The following XYLT1 variants were observed in gnomAD, a reference collection of about 807,000 sequenced individuals.
XYLT1 encodes the protein xylosyltransferase 1.
Under a neutral mutation model 91.3 loss-of-function variants are expected in XYLT1, and 36 were observed. That is an observed-to-expected ratio of 0.39 (90% CI 0.30 to 0.52). The LOEUF (loss-of-function observed/expected upper bound fraction) is 0.52, where lower values mean the gene tolerates loss of function less well. XYLT1 is among the 20% of genes least tolerant of loss of function. The pLI, the probability that XYLT1 is intolerant of heterozygous loss-of-function variation, is 0.68. For missense variants in XYLT1, 1,242 were observed against 1,284.5 expected (o/e 0.97, Z 0.51); for synonymous variants, 588 against 532.0 (o/e 1.11, Z -1.45).
chr16:17,448,704 AGGG>A (rs2036625346), intron 1 of XYLT1, among the ~76,000 whole-genome samples: 2 of 81,726 alleles, frequency 2.4e-5, no homozygotes, highest in Non-Finnish European at 5.2e-5. Flanking sequence ...GAGGAGGAAG[AGGG>A]GGGAGGAGGA....
intron 2 of XYLT1, among the ~76,000 whole-genome samples, chr16:17,280,308 C>T (rs2034038450): frequency 6.6e-6 from 1 of 152,168 alleles, no homozygotes; most frequent in South Asian, 2.1e-4. Context: ...CAAGATCGTG[C>T]CACTGCACTC....
chr16:17,354,767 T>G (rs1343714284), intron 2 of XYLT1: 2 of 152,196 alleles, frequency 1.3e-5, no homozygotes, highest in African/African-American at 4.8e-5. Context: ...TGGGTAACAT[T>G]TGAGGCACTA....
intron 11 of XYLT1, among the ~76,000 whole-genome samples, chr16:17,110,243 A>G (rs531155373): frequency 5.3e-5 from 8 of 152,354 alleles, no homozygotes; most frequent in Non-Finnish European, 8.8e-5. Flanking sequence ...GACACCTGGC[A>G]TATACTAAGT....
At chr16:17,337,775 C>CTTTTCTT (rs2035003990) in intron 2 of XYLT1, among the ~76,000 whole-genome samples, 2 of 114,216 alleles carry the variant, frequency 1.8e-5, no homozygotes, top group Non-Finnish European at 3.3e-5. Flanking sequence ...CACATTTTTT[C>CTTTTCTT]TTTTTCTTTT....
chr16:17,453,751 A>C (rs932168749), intron 1 of XYLT1, among the ~76,000 whole-genome samples: 4 of 152,236 alleles, frequency 2.6e-5, no homozygotes, highest in Non-Finnish European at 4.4e-5. Flanking sequence ...CCAGAAAGCC[A>C]GAGATAAACA....
intron 5 of XYLT1, among the ~76,000 whole-genome samples, chr16:17,166,621 C>T (rs535825529): frequency 1.2e-4 from 18 of 152,146 alleles, no homozygotes; most frequent in African/African-American, 3.9e-4. Context: ...GAGAGATTCT[C>T]CTGCTTCAGC....
rs1011403525 is a variant in XYLT1, at chr16:17,104,032, C to A, written c.*4663G>T. 6.5e-6 allele frequency: 1 copy of A among 152,752 alleles called. No individual in the cohort carries two copies. The highest frequency in any genetic ancestry group is 1.5e-5 in the Non-Finnish European group (1 of 68,156). The allele number at this position is 152,752 out of a possible 1,614,324, so 9.5% of individuals were successfully genotyped here. Reference sequence around the variant, plus strand: ...GCAGATTTGGACAACTTTGTTCCCCCCTCCCAGGTAAACTTCTCAGCAGAC... The same window carrying A: ...GCAGATTTGGACAACTTTGTTCCCCACTCCCAGGTAAACTTCTCAGCAGAC... On this transcript the variant is annotated 3_prime_UTR_variant, in exon 12 of 12. Coordinates refer to ENST00000261381, the MANE Select transcript of XYLT1 (RefSeq NM_022166.4).
intron 9 of XYLT1, 71 bp downstream of exon 9, chr16:17,134,401 AC>A (rs968220185): frequency 6.4e-6 from 10 of 1,565,086 alleles, no homozygotes; most frequent in Admixed American, 5.3e-5. Context: ...AGGAAGAAGG[AC>A]CCCCACTCTG....
chr16:17,250,972 C>A (rs1462502657), intron 3 of XYLT1: 1 of 152,242 alleles, frequency 6.6e-6, no homozygotes, highest in Non-Finnish European at 1.5e-5. Context: ...AATGGGGAAA[C>A]TGAGGTATTT....
intron 6 of XYLT1, among the ~76,000 whole-genome samples, chr16:17,154,058 G>A (rs1048862553): frequency 6.6e-6 from 1 of 150,888 alleles, no homozygotes; most frequent in Non-Finnish European, 1.5e-5. Context: ...TTTCTGAAAT[G>A]GGGTAACACC....
intron 2 of XYLT1, among the ~76,000 whole-genome samples, chr16:17,337,584 T>C (rs8044426): frequency 0.13 from 20,517 of 152,032 alleles, 1,590 homozygotes; most frequent in African/African-American, 0.22. Context: ...CTACCTTGGT[T>C]ACCTGGGAAA....
chr16:17,143,124 G>A (rs982227727), intron 6 of XYLT1, among the ~76,000 whole-genome samples: 7 of 152,138 alleles, frequency 4.6e-5, no homozygotes, highest in African/African-American at 1.7e-4. Context: ...AGCTGGTGAC[G>A]TGGGCATGTT....
chr16:17,365,098 C>T (rs1460581110), intron 1 of XYLT1, among the ~76,000 whole-genome samples: 1 of 152,184 alleles, frequency 6.6e-6, no homozygotes, highest in Non-Finnish European at 1.5e-5. Flanking sequence ...TTGGTGTTCA[C>T]GCTCTGCACC....
chr16:17,402,181 A>G (rs2035977764), intron 1 of XYLT1, among the ~76,000 whole-genome samples: 1 of 151,406 alleles, frequency 6.6e-6, no homozygotes, highest in Admixed American at 6.6e-5. Context: ...TTAGCCAGGC[A>G]TGGTGGTGCA....
chr16:17,241,056 C>T (rs2033337699), intron 3 of XYLT1, among the ~76,000 whole-genome samples: 1 of 152,224 alleles, frequency 6.6e-6, no homozygotes, highest in Non-Finnish European at 1.5e-5. Flanking sequence ...CTCTGCCACC[C>T]CGGAGAGAAA....
intron 6 of XYLT1, among the ~76,000 whole-genome samples, chr16:17,153,623 A>G (rs2031335866): frequency 6.6e-6 from 1 of 152,202 alleles, no homozygotes; most frequent in South Asian, 2.1e-4. Context: ...CTTTCAATGT[A>G]GCCTTATTCG....
intron 2 of XYLT1, among the ~76,000 whole-genome samples, chr16:17,281,714 T>C (rs1427260853): frequency 6.6e-6 from 1 of 152,182 alleles, no homozygotes; most frequent in African/African-American, 2.4e-5. Flanking sequence ...ATCCAAGAGA[T>C]TGCAGGAGCA....
intron 2 of XYLT1, among the ~76,000 whole-genome samples, chr16:17,310,535 T>C (rs1455452016): frequency 6.6e-6 from 1 of 151,992 alleles, no homozygotes; most frequent in Non-Finnish European, 1.5e-5. Flanking sequence ...TAAACATCTG[T>C]GGAATAAGTA....
At chr16:17,246,729 TC>T (rs1213058481) in intron 3 of XYLT1, among the ~76,000 whole-genome samples, 5 of 152,324 alleles carry the variant, frequency 3.3e-5, no homozygotes, top group Non-Finnish European at 7.4e-5. Flanking sequence ...ATGTGGGTTC[TC>T]GTGTCCTAGC....
Sources: allele counts gnomAD v4.1 joint callset (sites outside exome capture counted in the v4.1 genomes callset), GRCh38; gene constraint gnomAD v4.1.1; transcripts MANE v1.5; gene names NCBI Gene and HGNC (gene_info 2026-07-23, HGNC 2026-07-21).